ADH1C: variants seen among roughly 807,000 people sequenced by gnomAD.
The protein encoded by ADH1C is alcohol dehydrogenase 1C.
Under a neutral mutation model 35.0 loss-of-function variants are expected in ADH1C, and 26 were observed. The ratio of observed to expected loss-of-function variants is 0.74; its 90% CI spans 0.54 to 1.03. ADH1C has a LOEUF of 1.03. ADH1C is among the 50% of genes least tolerant of loss of function. The pLI is 0.00. For missense variants in ADH1C, 413 were observed against 465.4 expected, an observed-to-expected ratio of 0.89 and a Z score of 1.04; for synonymous variants, 170 against 169.3, an observed-to-expected ratio of 1.00 and a Z score of -0.03.
intron 1 of ADH1C, among the ~76,000 whole-genome samples, chr4:99,349,041 G>A (rs1223776440): frequency 7.1e-6 from 1 of 140,654 alleles, no homozygotes; most frequent in Non-Finnish European, 1.5e-5. Flanking sequence ...TTTGTCAGAT[G>A]AGTAGGTTGC....
At chr4:99,347,596 A>AATTTAC in intron 2 of ADH1C, 149 bp downstream of exon 2, 1 of 904,998 alleles carries the variant, frequency 1.1e-6, no homozygotes. Flanking sequence ...AAAATTTAAC[A>AATTTAC]ATTTATACTT....
At chr4:99,346,275 C>T (rs1343706638) in intron 3 of ADH1C, among the ~76,000 whole-genome samples, 2 of 151,924 alleles carry the variant, frequency 1.3e-5, no homozygotes, top group African/African-American at 2.4e-5. Flanking sequence ...CCTAGTTATT[C>T]ATCCTTAATT....
intron 7 of ADH1C, among the ~76,000 whole-genome samples, chr4:99,339,976 A>G (rs1169817349): frequency 6.6e-6 from 1 of 152,174 alleles, no homozygotes; most frequent in East Asian, 1.9e-4. Context: ...TAAGGAGCAA[A>G]TTTATTAGTT....
chr4:99,341,661 A>G (rs1421032464), intron 6 of ADH1C, among the ~76,000 whole-genome samples: 1 of 152,196 alleles, frequency 6.6e-6, no homozygotes. Flanking sequence ...CCTTCTAGAA[A>G]ACCTCAGCAA....
At chr4:99,350,167 G>A (rs1210343230) in intron 1 of ADH1C, among the ~76,000 whole-genome samples, 1 of 152,148 alleles carries the variant, frequency 6.6e-6, no homozygotes, top group Admixed American at 6.5e-5. Context: ...TGGAAATAAA[G>A]TTCTAATAGT....
At chr4:99,336,910 T>A in intron 8 of ADH1C, 134 bp from the exon 9 acceptor site, 1 of 1,253,612 alleles carries the variant, frequency 8.0e-7, no homozygotes, top group Admixed American at 2.1e-5. Context: ...CCCATCCCTA[T>A]GCATTTGGGT....
At chr4:99,352,044 A>G (rs1442454633) in intron 1 of ADH1C, among the ~76,000 whole-genome samples, 1 of 152,192 alleles carries the variant, frequency 6.6e-6, no homozygotes, top group African/African-American at 2.4e-5. Context: ...AATTGCCTGA[A>G]TTGTGTCATA....
intron 1 of ADH1C, among the ~76,000 whole-genome samples, chr4:99,352,342 G>T (rs1055720130): frequency 6.6e-6 from 1 of 152,036 alleles, no homozygotes; most frequent in African/African-American, 2.4e-5. Context: ...GATTAGCTTG[G>T]AATAAACTAT....
intron 8 of ADH1C, among the ~76,000 whole-genome samples, chr4:99,338,925 G>T (rs781360380): frequency 6.6e-5 from 10 of 151,814 alleles, no homozygotes; most frequent in Non-Finnish European, 1.3e-4. Context: ...GATTGTAAGT[G>T]TAAGTGTTAG....
chr4:99,347,148 C>G lies in ADH1C; in HGVS notation c.121-4G>C. On this transcript the variant is annotated splice_region_variant and splice_polypyrimidine_tract_variant and intron_variant, in intron 2 of 8. Transcript: ENST00000515683. ...GACAGATTCCTGCAGCCACCATCTA[C>G]AGAATAAAGAGAAGATGTTTAGATT... 1 of 1,611,732 alleles carries G rather than the reference C, an allele frequency of 6.2e-7. No individual in the cohort carries two copies. The highest frequency in any genetic ancestry group is 8.5e-7 in the Non-Finnish European group (1 of 1,179,274).
chr4:99,346,163 T>C (rs920333961), intron 3 of ADH1C, among the ~76,000 whole-genome samples: 21 of 152,196 alleles, frequency 1.4e-4, no homozygotes, highest in African/African-American at 4.8e-4. Flanking sequence ...ACAAATTTTA[T>C]TTTTAATCAC....
chr4:99,337,860 T>A (rs1734313131), intron 8 of ADH1C, among the ~76,000 whole-genome samples: 1 of 152,116 alleles, frequency 6.6e-6, no homozygotes, highest in South Asian at 2.1e-4. Flanking sequence ...AATTTGCCAA[T>A]GAAGTCTTTT....
intron 5 of ADH1C, 88 bp from the exon 6 acceptor site, chr4:99,343,143 T>C: frequency 6.6e-7 from 1 of 1,523,652 alleles, no homozygotes; most frequent in Non-Finnish European, 8.9e-7. Flanking sequence ...TTGTGTGTTA[T>C]CAAGAACTAC....
At chr4:99,344,768 C>A in intron 5 of ADH1C, 94 bp downstream of exon 5, 1 of 1,526,384 alleles carries the variant, frequency 6.6e-7, no homozygotes, top group South Asian at 1.2e-5. Context: ...TTCAAATCTA[C>A]AAAAATAATT....
In ADH1C at chr4:99,349,793, G is replaced by A. The variant is rs187578427; in HGVS notation, c.19-1947C>T. Among the ~76,000 whole-genome samples, 9 of 129,460 alleles carry A rather than the reference G, an allele frequency of 7.0e-5. No homozygotes were observed. The South Asian group carries it at 1.7e-3, about 24-fold the overall frequency. 84.9% of individuals were successfully genotyped at this position (129,460 alleles called of 152,430 possible). A position where few individuals can be genotyped will look rare whatever the true frequency, so the allele number is the denominator to read the frequency against. On this transcript the variant is annotated intron_variant, in intron 1 of 8. Transcript: ENST00000515683. ...TTACAGAGGTTAGAGTTGGTGTTGT[G>A]TATGTGTGTTTCTGTGTGTGTGTGT...
chr4:99,349,783 T>A (rs1734632037), intron 1 of ADH1C, among the ~76,000 whole-genome samples: 1 of 148,390 alleles, frequency 6.7e-6, no homozygotes, highest in South Asian at 2.2e-4. Flanking sequence ...GAGGTTAGAG[T>A]TGGTGTTGTG....
At chr4:99,346,883 G>A in intron 3 of ADH1C, 123 bp downstream of exon 3, 1 of 1,481,408 alleles carries the variant, frequency 6.8e-7, no homozygotes, top group Non-Finnish European at 9.0e-7. Context: ...AACCCCTGAA[G>A]TCCCAGCTTC....
chr4:99,341,760 G>C (rs1327429160), intron 6 of ADH1C, among the ~76,000 whole-genome samples: 1 of 152,120 alleles, frequency 6.6e-6, no homozygotes, highest in East Asian at 1.9e-4. Flanking sequence ...TGTTTCCGTT[G>C]CCTTTGATAT....
chr4:99,339,524 C>CTA lies in ADH1C; in HGVS notation c.1103+52_1103+53insTA, dbSNP rs1560535849. 16 of 1,153,522 alleles carry CTA rather than the reference C, an allele frequency of 1.4e-5. 2 individuals are homozygous for CTA. The South Asian group carries it at 2.4e-4, about 17-fold the overall frequency. The allele number at this position is 1,153,522 out of a possible 1,614,324, so 71.5% of individuals were successfully genotyped here. A position where few individuals can be genotyped will look rare whatever the true frequency, so the allele number is the denominator to read the frequency against. ...TCTGCTAGACAACGCCCCCCCCCCC[C>CTA]CCGCCGCTACTGTAGAATACAAAGC... On this transcript the variant is annotated intron_variant, in intron 8 of 8. Transcript: ENST00000515683.
Sources: gnomAD v4.1 joint callset for allele counts (sites outside exome capture counted in the v4.1 genomes callset) on GRCh38, gnomAD v4.1.1 for gene constraint, MANE v1.5 for transcripts, NCBI Gene and HGNC (gene_info 2026-07-23, HGNC 2026-07-21) for gene names.